MCC: variants seen among roughly 807,000 people sequenced by gnomAD.
MCC encodes the protein MCC regulator of Wnt signaling pathway, also known as colorectal mutant cancer protein.
A neutral mutation model predicts 116.2 loss-of-function variants in MCC; 90 were observed. The ratio of observed to expected loss-of-function variants is 0.77; its 90% CI spans 0.65 to 0.92. The LOEUF (loss-of-function observed/expected upper bound fraction) is 0.92. Ranked by LOEUF, MCC falls within the 40% of genes least tolerant of loss-of-function variation. The pLI is 0.00. For missense variants in MCC, 1,516 were observed against 1,312.2 expected, an observed-to-expected ratio of 1.16 and a Z score of -2.40; for synonymous variants, 578 against 510.5, an observed-to-expected ratio of 1.13 and a Z score of -1.78.
At chr5:113,295,552 C>A (rs1422021181) in intron 3 of MCC, among the ~76,000 whole-genome samples, 1 of 152,126 alleles carries the variant, frequency 6.6e-6, no homozygotes, top group East Asian at 1.9e-4. Flanking sequence ...GGCTCCCCAA[C>A]CCCCAGACCT....
chr5:113,103,215 G>T (rs1756535306), intron 7 of MCC, among the ~76,000 whole-genome samples: 1 of 152,214 alleles, frequency 6.6e-6, no homozygotes, highest in African/African-American at 2.4e-5. Flanking sequence ...GGATGCTCAT[G>T]TTGGTTCTCA....
Position 113,340,530 on chromosome 5 carries a change from G to T in MCC, c.616C>A (p.Leu206Met). ...GNSVGGSYLE[L>M]ANTLHSAALA... ...CAAAAAGTACTCACTGTGTTGGCCA[G>T]CTCTAGATAGCTTCCTCCTACAGAG... Residue 206 changes from leucine to methionine, a missense_variant, in exon 3 of 19, where the codon CTG (leucine) becomes ATG (methionine). Transcript: ENST00000408903. 1.2e-6 allele frequency: 2 copies of T among 1,614,094 alleles called. No homozygotes were observed. Among genetic ancestry groups the T allele is most frequent in the Non-Finnish European group, 1.7e-6 (2 of 1,179,950 alleles).
At chr5:113,231,743 T>C (rs1000287336) in intron 3 of MCC, among the ~76,000 whole-genome samples, 7 of 152,194 alleles carry the variant, frequency 4.6e-5, no homozygotes, top group African/African-American at 1.2e-4. Context: ...CTGAAAGAAA[T>C]AGCAAAAATA....
chr5:113,274,390 G>C (rs1056120246), intron 3 of MCC, among the ~76,000 whole-genome samples: 1 of 152,160 alleles, frequency 6.6e-6, no homozygotes, highest in African/African-American at 2.4e-5. Context: ...ATGGAGTTTT[G>C]TTCTTGTTGC....
chr5:113,280,186 G>A (rs551384912), intron 3 of MCC, among the ~76,000 whole-genome samples: 2 of 152,254 alleles, frequency 1.3e-5, no homozygotes, highest in African/African-American at 4.8e-5. Flanking sequence ...GTGGGCCCCT[G>A]GGGCTCAGTG....
chr5:113,367,813 C>A (rs893168145), intron 2 of MCC, among the ~76,000 whole-genome samples: 1 of 152,120 alleles, frequency 6.6e-6, no homozygotes, highest in African/African-American at 2.4e-5. Context: ...TTAGAGTTAT[C>A]TTGAGTAATG....
At chr5:113,073,684 C>CT (rs2150235848) in intron 11 of MCC, among the ~76,000 whole-genome samples, 1 of 148,308 alleles carries the variant, frequency 6.7e-6, no homozygotes, top group East Asian at 2.0e-4. Context: ...TTAAATCCAT[C>CT]TCAATGTAAG....
At chr5:113,169,704 G>A (rs1581193975) in intron 3 of MCC, among the ~76,000 whole-genome samples, 1 of 152,234 alleles carries the variant, frequency 6.6e-6, no homozygotes, top group African/African-American at 2.4e-5. Context: ...TCTTCCCCAA[G>A]AGCAGTCACC....
intron 3 of MCC, among the ~76,000 whole-genome samples, chr5:113,233,154 A>G (rs893330136): frequency 6.6e-6 from 1 of 152,192 alleles, no homozygotes; most frequent in Non-Finnish European, 1.5e-5. Context: ...ATCTGAGGCT[A>G]TCAGAGGAGA....
chr5:113,125,606 T>A (rs1758001916), intron 5 of MCC, among the ~76,000 whole-genome samples: 1 of 152,210 alleles, frequency 6.6e-6, no homozygotes, highest in South Asian at 2.1e-4. Context: ...CAGAGGGTCC[T>A]CTGTAAACTA....
intron 5 of MCC, among the ~76,000 whole-genome samples, chr5:113,126,689 G>A (rs553083291): frequency 3.3e-5 from 5 of 152,216 alleles, no homozygotes; most frequent in South Asian, 2.1e-4. Context: ...GGAAAAAACC[G>A]CAACTGCTTT....
At chr5:113,236,980 G>T (rs1764158875) in intron 3 of MCC, among the ~76,000 whole-genome samples, 1 of 152,178 alleles carries the variant, frequency 6.6e-6, no homozygotes, top group South Asian at 2.1e-4. Flanking sequence ...AATGTCAGTT[G>T]TTTTCACTCT....
At chr5:113,416,967 G>T (rs1770168016) in intron 1 of MCC, among the ~76,000 whole-genome samples, 1 of 136,540 alleles carries the variant, frequency 7.3e-6, no homozygotes, top group African/African-American at 2.9e-5. Context: ...CATGTGAATT[G>T]CCTTTTTTTT....
At chr5:113,305,779 A>G (rs540072099) in intron 3 of MCC, among the ~76,000 whole-genome samples, 1 of 152,362 alleles carries the variant, frequency 6.6e-6, no homozygotes, top group South Asian at 2.1e-4. Flanking sequence ...TAATTCACAT[A>G]TCATAAAATT....
chr5:113,368,036 AG>A (rs1269537192), intron 2 of MCC, among the ~76,000 whole-genome samples: 1 of 152,348 alleles, frequency 6.6e-6, no homozygotes, highest in East Asian at 1.9e-4. Context: ...GCTGAAGCCA[AG>A]CCCCATCTCT....
At chr5:113,217,316 T>C (rs927419684) in intron 3 of MCC, among the ~76,000 whole-genome samples, 2 of 152,234 alleles carry the variant, frequency 1.3e-5, no homozygotes, top group South Asian at 4.1e-4. Flanking sequence ...TGATAGAATT[T>C]ACCATAATTT....
chr5:113,291,720 ATGGCAACTTTGCCCTACAAGATAT>A (rs1472758557), intron 3 of MCC, among the ~76,000 whole-genome samples: 1 of 152,198 alleles, frequency 6.6e-6, no homozygotes, highest in Non-Finnish European at 1.5e-5. Context: ...TCAAAAGTGA[ATGGCAACTTTGCCCTACAAGATAT>A]TAAGCGAAAA....
At chr5:113,240,218 C>A (rs12186466) in intron 3 of MCC, among the ~76,000 whole-genome samples, 3 of 151,868 alleles carry the variant, frequency 2.0e-5, no homozygotes. Flanking sequence ...GTAGTTGGCC[C>A]GGTGTTGAAA....
At chr5:113,251,573 G>A (rs1764806449) in intron 3 of MCC, among the ~76,000 whole-genome samples, 1 of 152,182 alleles carries the variant, frequency 6.6e-6, no homozygotes, top group African/African-American at 2.4e-5. Context: ...TGGCCTCGTG[G>A]AGAAGGTACA....
Sources: gnomAD v4.1 joint callset for allele counts (sites outside exome capture counted in the v4.1 genomes callset) on GRCh38, gnomAD v4.1.1 for gene constraint, MANE v1.5 for transcripts, NCBI Gene and HGNC (gene_info 2026-07-23, HGNC 2026-07-21) for gene names.